Variants in PHF21B observed in about 807,000 individuals in gnomAD.
PHF21B encodes PHD finger protein 21B.
PHF21B carries 22 observed loss-of-function variants against 62.2 expected under a neutral mutation model. That is an observed-to-expected ratio of 0.35 (90% confidence interval 0.25 to 0.51). The LOEUF (loss-of-function observed/expected upper bound fraction) is 0.51. Among genes scored for constraint, PHF21B ranks in the 20% least tolerant of loss-of-function variants. The pLI, the probability that PHF21B is intolerant of heterozygous loss-of-function variation, is 0.97. For missense variants in PHF21B, 701 were observed against 707.9 expected (o/e 0.99, Z 0.11); for synonymous variants, 341 against 314.7 (o/e 1.08, Z -0.88).
chr22:44,933,464 C>T (rs906575174), intron 2 of PHF21B: 1 of 985,504 alleles, frequency 1.0e-6, no homozygotes, highest in East Asian at 1.1e-4. Flanking sequence ...GTGTTCACTG[C>T]ACACCTACCC....
chr22:44,887,156 CA>C (rs565346064), intron 10 of PHF21B, among the ~76,000 whole-genome samples: 5,247 of 65,048 alleles, frequency 0.081, 118 homozygotes, highest in African/African-American at 0.12. Flanking sequence ...AACTCCATCT[CA>C]AAAAAAAAAA....
chr22:44,974,389 G>T (rs1019398015), intron 2 of PHF21B, among the ~76,000 whole-genome samples: 10 of 151,222 alleles, frequency 6.6e-5, no homozygotes, highest in Admixed American at 4.6e-4. Flanking sequence ...ACTCCAGCCT[G>T]GGCGACAGAG....
At chr22:44,912,585 T>C (rs1363922675) in intron 5 of PHF21B, among the ~76,000 whole-genome samples, 2 of 152,290 alleles carry the variant, frequency 1.3e-5, no homozygotes, top group South Asian at 2.1e-4. Context: ...TCTTCCGCCA[T>C]GATTGTGAGG....
chr22:44,900,125 AC>A (rs2071131392), intron 5 of PHF21B, among the ~76,000 whole-genome samples: 1 of 152,144 alleles, frequency 6.6e-6, no homozygotes, highest in Admixed American at 6.5e-5. Flanking sequence ...AATTTTACTT[AC>A]ATGAATCTTT....
Position 44,905,576 on chromosome 22 carries a change from GCA to G in PHF21B, c.831+8244_831+8245del, listed in dbSNP as rs2071234097. Reference sequence around the variant, plus strand: ...ATCGCCAGCCTTGGCATGAGATCTCGCATATGTTAGAATTCTGTCGAGACTTA... The same window carrying G: ...ATCGCCAGCCTTGGCATGAGATCTCGTATGTTAGAATTCTGTCGAGACTTA... On this transcript the variant is annotated intron_variant, in intron 5 of 12. Transcript: ENST00000313237. Among the ~76,000 whole-genome samples the G allele has an allele frequency of 4.6e-5, 7 of 152,230 alleles. No homozygotes were observed. The South Asian group carries it at 1.5e-3, about 32-fold the overall frequency.
intron 5 of PHF21B, among the ~76,000 whole-genome samples, chr22:44,903,159 A>G (rs1489968982): frequency 6.6e-6 from 1 of 152,202 alleles, no homozygotes; most frequent in African/African-American, 2.4e-5. Flanking sequence ...TCCCTCCTCC[A>G]GCACATTCTC....
At chr22:44,916,162 C>G in intron 4 of PHF21B, 118 bp downstream of exon 4, 1 of 952,666 alleles carries the variant, frequency 1.0e-6, no homozygotes, top group Non-Finnish European at 1.6e-6. Flanking sequence ...CTTGATCATT[C>G]TGCCTCCTGG....
At chr22:44,984,185 CCATCAT>C (rs1259949655) in intron 2 of PHF21B, among the ~76,000 whole-genome samples, 4 of 146,374 alleles carry the variant, frequency 2.7e-5, no homozygotes, top group East Asian at 2.0e-4. Context: ...ATCACAACCA[CCATCAT>C]CACCACCACT....
intron 2 of PHF21B, among the ~76,000 whole-genome samples, chr22:44,957,159 TG>T (rs2072316241): frequency 6.6e-6 from 1 of 152,186 alleles, no homozygotes; most frequent in African/African-American, 2.4e-5. Context: ...GTGGCCTCCC[TG>T]GCTGTGGACC....
chr22:44,987,652 T>C (rs2072974698), intron 2 of PHF21B, among the ~76,000 whole-genome samples: 1 of 151,818 alleles, frequency 6.6e-6, no homozygotes, highest in Non-Finnish European at 1.5e-5. Flanking sequence ...CCACCACCTG[T>C]GGTCATTACA....
intron 2 of PHF21B, among the ~76,000 whole-genome samples, chr22:44,992,000 G>A (rs1207294919): frequency 1.3e-5 from 2 of 152,246 alleles, no homozygotes; most frequent in Admixed American, 1.3e-4. Flanking sequence ...ACCAGACCCG[G>A]ACGTTGGGGG....
rs563648229 is a variant in PHF21B at position 44,954,959 on chromosome 22, G to A, written c.121-34469C>T. 8.5e-5 allele frequency among the ~76,000 whole-genome samples: 13 copies of A among 152,282 alleles called. No individual in the cohort carries two copies. The South Asian group carries it at 1.2e-3, about 15-fold the overall frequency. On this transcript the variant is annotated intron_variant, in intron 2 of 12. Transcript: ENST00000313237. ...AGGACGGGTGATGTTGGGAGCAGGC[G>A]GGGACAACAGGACCTCGGGGTGGCA...
At chr22:44,926,874 G>A (rs1307630593) in intron 2 of PHF21B, among the ~76,000 whole-genome samples, 1 of 152,160 alleles carries the variant, frequency 6.6e-6, no homozygotes, top group Admixed American at 6.5e-5. Context: ...GTGTCTGGGC[G>A]TTGCTCAGCA....
At chr22:44,945,750 C>CT (rs1569245502) in intron 2 of PHF21B, among the ~76,000 whole-genome samples, 14 of 150,564 alleles carry the variant, frequency 9.3e-5, no homozygotes, top group Non-Finnish European at 1.9e-4. Flanking sequence ...TCCTGCTTAC[C>CT]TTGACCTTGG....
chr22:44,987,772 CT>C (rs1376103470), intron 2 of PHF21B, among the ~76,000 whole-genome samples: 9 of 143,432 alleles, frequency 6.3e-5, no homozygotes, highest in African/African-American at 1.7e-4. Flanking sequence ...TCTCCTCTCT[CT>C]CTCTCTCTCT....
In PHF21B at chr22:45,009,351, G is replaced by T; in HGVS notation, c.54+145C>A. 1.2e-6 allele frequency: 1 copy of T among 818,694 alleles called. No individual in the cohort carries two copies. Among genetic ancestry groups the T allele is most frequent in the Non-Finnish European group, 1.8e-6 (1 of 546,080 alleles). 50.7% of individuals were successfully genotyped at this position (818,694 alleles called of 1,614,324 possible). On this transcript the variant is annotated intron_variant, in intron 1 of 12. Coordinates refer to ENST00000313237, the MANE Select transcript of PHF21B (RefSeq NM_138415.5). This position sits in a 1 kb window ranked among gnomAD's most constrained non-coding sequence, Gnocchi z 5.9. Reference sequence around the variant, plus strand: ...AGCCCAGAAGGGGGTCCGCGCGTGTGCTCACTCCCTCGCCCCCCGCCCCCG... The same window carrying T: ...AGCCCAGAAGGGGGTCCGCGCGTGTTCTCACTCCCTCGCCCCCCGCCCCCG...
chr22:44,968,471 CT>C (rs2072573522), intron 2 of PHF21B, among the ~76,000 whole-genome samples: 1 of 152,090 alleles, frequency 6.6e-6, no homozygotes, highest in Non-Finnish European at 1.5e-5. Context: ...TGGCAAAACC[CT>C]GTCTCTACTA....
At chr22:44,918,156 AGAAAGTTACC>A (rs2071472382) in intron 3 of PHF21B, among the ~76,000 whole-genome samples, 1 of 152,252 alleles carries the variant, frequency 6.6e-6, no homozygotes, top group South Asian at 2.1e-4. Flanking sequence ...CCTCAGCTGG[AGAAAGTTACC>A]CGTTGGAAAA....
chr22:44,904,256 T>C (rs9754480), intron 5 of PHF21B, among the ~76,000 whole-genome samples: 14,814 of 152,194 alleles, frequency 0.097, 767 homozygotes, highest in African/African-American at 0.15. Context: ...TTCCTAGAAT[T>C]TTCCTTTTAT....
Sources: gnomAD v4.1 joint callset for allele counts (sites outside exome capture counted in the v4.1 genomes callset) on GRCh38, gnomAD v4.1.1 for gene constraint, Gnocchi (gnomAD v3.1) non-coding constraint, MANE v1.5 for transcripts, NCBI Gene and HGNC (gene_info 2026-07-23, HGNC 2026-07-21) for gene names.